FOXK1: variants seen among roughly 807,000 people sequenced by gnomAD.
The protein encoded by FOXK1 is forkhead box K1.
FOXK1 carries 19 observed loss-of-function variants against 51.9 expected under a neutral mutation model. That is an observed-to-expected ratio of 0.37 (90% CI 0.26 to 0.54). FOXK1 has a LOEUF of 0.54. FOXK1 is among the 20% of genes least tolerant of loss of function. The probability of loss-of-function intolerance (pLI) is 0.87; values close to 1 mark genes in which losing one functional copy is unlikely to be tolerated. For missense variants in FOXK1, 870 were observed against 1,032.7 expected, an observed-to-expected ratio of 0.84 and a Z score of 2.16; for synonymous variants, 537 against 482.6, an observed-to-expected ratio of 1.11 and a Z score of -1.48.
rs943973705 is a variant in FOXK1 at position 4,768,444 on chromosome 7, T to C, written c.*5980T>C. 4.6e-5 allele frequency: 7 copies of C among 152,362 alleles called. No homozygotes were observed. Among genetic ancestry groups the C allele is most frequent in the Non-Finnish European group, 8.8e-5 (6 of 68,158 alleles). 9.4% of individuals were successfully genotyped at this position (152,362 alleles called of 1,614,324 possible). A position where few individuals can be genotyped will look rare whatever the true frequency, so the allele number is the denominator to read the frequency against. On this transcript the variant is annotated 3_prime_UTR_variant, in exon 9 of 9. Transcript: ENST00000328914. ...ACCGCGCCCGGCCCACTGACTTCTT[T>C]AGGGAAAATAGTTTCAGTCTTGGGT...
chr7:4,712,932 C>A (rs1780192649), intron 1 of FOXK1, among the ~76,000 whole-genome samples: 3 of 152,118 alleles, frequency 2.0e-5, no homozygotes, highest in Non-Finnish European at 4.4e-5. Context: ...GTGCTCAGAG[C>A]TCTGTGACTT....
chr7:4,722,144 C>T lies in FOXK1; in HGVS notation c.561-18694C>T, dbSNP rs1342762079. On this transcript the variant is annotated intron_variant, in intron 1 of 8. Coordinates refer to ENST00000328914, the MANE Select transcript of FOXK1 (RefSeq NM_001037165.2). The surrounding 1 kb of genome is among the most constrained non-coding windows in gnomAD (Gnocchi z 5.1). ...GCCTTGGGCTCTTGGTCACATCCTG[C>T]CCTGATTCAGAAGATGGCGGGGCAG... Among the ~76,000 whole-genome samples, 2 of 152,128 alleles carry T rather than the reference C, an allele frequency of 1.3e-5. No individual in the cohort carries two copies. Among genetic ancestry groups the T allele is most frequent in the Non-Finnish European group, 2.9e-5 (2 of 68,036 alleles).
rs1170867769 is a variant in FOXK1 at position 4,722,619 on chromosome 7, T to A, written c.561-18219T>A. Among the ~76,000 whole-genome samples the A allele has an allele frequency of 6.6e-6, 1 of 152,228 alleles. No individual in the cohort carries two copies. The highest frequency in any genetic ancestry group is 1.5e-5 in the Non-Finnish European group (1 of 68,038). ...GCACACATGCACGTCAGCCGCACAC[T>A]CATGCACGTTCATGTGCTGTCTCTA... is the stretch of plus-strand genomic sequence containing the variant. On this transcript the variant is annotated intron_variant, in intron 1 of 8. Transcript: ENST00000328914. The surrounding 1 kb of genome is among the most constrained non-coding windows in gnomAD (Gnocchi z 5.1).
rs1398776683 is a variant in FOXK1 at position 4,767,345 on chromosome 7, G to C, written c.*4881G>C. 2 of 152,272 alleles carry C rather than the reference G, an allele frequency of 1.3e-5. No individual in the cohort carries two copies. The highest frequency in any genetic ancestry group is 2.9e-5 in the Non-Finnish European group (2 of 68,066). 9.4% of individuals were successfully genotyped at this position (152,272 alleles called of 1,614,324 possible). A position where few individuals can be genotyped will look rare whatever the true frequency, so the allele number is the denominator to read the frequency against. On this transcript the variant is annotated 3_prime_UTR_variant, in exon 9 of 9. Transcript: ENST00000328914. The surrounding 1 kb of genome is among the most constrained non-coding windows in gnomAD (Gnocchi z 6.6). ...CAGAGCCCCAGAACGCTGGATGGAGGCCTCCTCGGCCCTGCGGGCGGCCTG... is the reference window on the plus strand; with the variant it reads ...CAGAGCCCCAGAACGCTGGATGGAGCCCTCCTCGGCCCTGCGGGCGGCCTG...
intron 1 of FOXK1, among the ~76,000 whole-genome samples, chr7:4,692,271 G>GGCTT (rs1779902562): frequency 6.6e-6 from 1 of 152,206 alleles, no homozygotes; most frequent in Non-Finnish European, 1.5e-5. Context: ...TCAGGCTGAA[G>GGCTT]TACATGGAGA....
At chr7:4,712,808 G>C (rs1780191188) in intron 1 of FOXK1, among the ~76,000 whole-genome samples, 1 of 152,184 alleles carries the variant, frequency 6.6e-6, no homozygotes, top group Non-Finnish European at 1.5e-5. Context: ...AAACAGCCAG[G>C]GCAGGGTTTA....
At chr7:4,684,400 T>C (rs1441845955) in intron 1 of FOXK1, among the ~76,000 whole-genome samples, 2 of 152,314 alleles carry the variant, frequency 1.3e-5, no homozygotes, top group African/African-American at 2.4e-5. Context: ...GTTACAGATA[T>C]CGCATTGAAT....
At chr7:4,706,051 T>TAC (rs201644201) in intron 1 of FOXK1, among the ~76,000 whole-genome samples, 1 of 128,128 alleles carries the variant, frequency 7.8e-6, no homozygotes, top group African/African-American at 4.5e-5. Context: ...TACGTGTATA[T>TAC]ATGTATATAT....
At chr7:4,759,005 C>A in intron 5 of FOXK1, 46 bp from the exon 6 acceptor site, 1 of 1,524,368 alleles carries the variant, frequency 6.6e-7, no homozygotes, top group Non-Finnish European at 8.8e-7. Flanking sequence ...GTCCTCGCAT[C>A]CCTCAGCGCG....
At chr7:4,684,974 G>A (rs146694251) in intron 1 of FOXK1, among the ~76,000 whole-genome samples, 186 of 152,082 alleles carry the variant, frequency 1.2e-3, no homozygotes, top group African/African-American at 4.2e-3. Context: ...TGTTCTCGGT[G>A]GGTGCATTAC....
In FOXK1 at chr7:4,769,047, A is replaced by T. The variant is rs3750019; in HGVS notation, c.*6583A>T. 23,699 of 152,016 alleles carry T rather than the reference A, an allele frequency of 0.16. 3,134 individuals are homozygous for T. Among genetic ancestry groups the T allele is most frequent in the African/African-American group, 0.36 (14,964 of 41,390 alleles). The allele number at this position is 152,016 out of a possible 1,614,324, so 9.4% of individuals were successfully genotyped here. A position where few individuals can be genotyped will look rare whatever the true frequency, so the allele number is the denominator to read the frequency against. Reference sequence around the variant, plus strand: ...CCTCTGAATTGGTGAGGCTTTGGAAATTTTTTGTTTCTTCTACTCATCCTA... The same window carrying T: ...CCTCTGAATTGGTGAGGCTTTGGAATTTTTTTGTTTCTTCTACTCATCCTA... On this transcript the variant is annotated 3_prime_UTR_variant, in exon 9 of 9. Transcript: ENST00000328914. The surrounding 1 kb of genome is among the most constrained non-coding windows in gnomAD (Gnocchi z 4.1).
Position 4,711,199 on chromosome 7 carries a change from T to G in FOXK1, c.560+28331T>G, listed in dbSNP as rs12701865. ...GCCCCGGGCAGCATGTGCCCAGCTC[T>G]GTTCAGGAAGCGTTGTGCTGGTGTG... On this transcript the variant is annotated intron_variant, in intron 1 of 8. Transcript: ENST00000328914. This position sits in a 1 kb window ranked among gnomAD's most constrained non-coding sequence, Gnocchi z 6.3. Among the ~76,000 whole-genome samples, 52,210 of 152,102 alleles carry G rather than the reference T, an allele frequency of 0.34. 9,300 individuals carry two copies. Among genetic ancestry groups the G allele is most frequent in the African/African-American group, 0.43 (17,754 of 41,474 alleles).
intron 1 of FOXK1, among the ~76,000 whole-genome samples, chr7:4,700,157 G>A (rs1780003720): frequency 6.6e-6 from 1 of 152,224 alleles, no homozygotes; most frequent in Non-Finnish European, 1.5e-5. Context: ...TGTGTGGCCT[G>A]TCGTTGTTTG....
intron 1 of FOXK1, among the ~76,000 whole-genome samples, chr7:4,726,209 CTAGAACGTTCT>C (rs1397062885): frequency 1.3e-5 from 2 of 152,132 alleles, no homozygotes; most frequent in Non-Finnish European, 2.9e-5. Context: ...GTGTGTTTCA[CTAGAACGTTCT>C]TGTTTTTGGC....
chr7:4,749,964 C>T lies in FOXK1; in HGVS notation c.747-4495C>T, dbSNP rs1283453439. On this transcript the variant is annotated intron_variant, in intron 2 of 8. Transcript: ENST00000328914. The surrounding 1 kb of genome is among the most constrained non-coding windows in gnomAD (Gnocchi z 6.0). ...GGCATGTCCTGGGTGGTCCCAGTGG[C>T]ACCTTCTAGGCCCGGCCCCTGGATG... 6.6e-6 allele frequency among the ~76,000 whole-genome samples: 1 copy of T among 152,226 alleles called. No individual in the cohort carries two copies. The highest frequency in any genetic ancestry group is 1.5e-5 in the Non-Finnish European group (1 of 68,026).
intron 1 of FOXK1, among the ~76,000 whole-genome samples, chr7:4,720,807 C>T (rs1378170704): frequency 6.6e-6 from 1 of 151,796 alleles, no homozygotes; most frequent in Non-Finnish European, 1.5e-5. Flanking sequence ...CAACCTCTAC[C>T]TCCTGGGTTC....
chr7:4,694,207 A>G (rs1272027658), intron 1 of FOXK1, among the ~76,000 whole-genome samples: 1 of 151,970 alleles, frequency 6.6e-6, no homozygotes, highest in African/African-American at 2.4e-5. Context: ...GTATGGAGAC[A>G]TTGTTGTGTG....
rs1780503322 is a variant in FOXK1 at position 4,733,026 on chromosome 7, G to A, written c.561-7812G>A. Among the ~76,000 whole-genome samples, 2 of 152,104 alleles carry A rather than the reference G, an allele frequency of 1.3e-5. No individual in the cohort carries two copies. Among genetic ancestry groups the A allele is most frequent in the African/African-American group, 2.4e-5 (1 of 41,412 alleles). On this transcript the variant is annotated intron_variant, in intron 1 of 8. Coordinates refer to ENST00000328914, the MANE Select transcript of FOXK1 (RefSeq NM_001037165.2). This position sits in a 1 kb window ranked among gnomAD's most constrained non-coding sequence, Gnocchi z 5.0. The stretch of plus-strand genomic sequence containing the variant: ...TGGGAACTTTCTCCTGAGAGCCCTG[G>A]CTCTCTCCTGCACAGCTCTGGGCTC...
chr7:4,770,936 AT>A lies in FOXK1; in HGVS notation c.*8477del, dbSNP rs113483507. The A allele has an allele frequency of 0.11, 15,456 of 146,956 alleles. 1,663 individuals are homozygous for A. The highest frequency in any genetic ancestry group is 0.27 in the African/African-American group (10,790 of 39,350). 9.1% of individuals were successfully genotyped at this position (146,956 alleles called of 1,614,324 possible). On this transcript the variant is annotated 3_prime_UTR_variant, in exon 9 of 9. Transcript: ENST00000328914. ...TTTTACAGTGGCGCCTGTCTAAAGT[AT>A]TTTTCACAACATGTTTGATAATCAG...
Sources: allele counts gnomAD v4.1 joint callset (sites outside exome capture counted in the v4.1 genomes callset), GRCh38; gene constraint gnomAD v4.1.1; non-coding constraint Gnocchi (gnomAD v3.1); transcripts MANE v1.5; gene names NCBI Gene and HGNC (gene_info 2026-07-23, HGNC 2026-07-21).